The following RAX variants were observed in gnomAD, a reference collection of about 807,000 sequenced individuals.
The protein encoded by RAX is retinal homeobox protein Rx.
In RAX, 11 loss-of-function variants were observed where a neutral mutation model predicts 17.4. The ratio of observed to expected loss-of-function variants is 0.63; its 90% CI spans 0.40 to 1.05. The LOEUF is 1.05. RAX is among the 50% of genes least tolerant of loss of function. The pLI, the probability that RAX is intolerant of heterozygous loss-of-function variation, is 0.00. For synonymous variants in RAX, 276 were observed against 254.7 expected (o/e 1.08, Z -0.80); for missense variants, 527 against 501.1 (o/e 1.05, Z -0.49).
rs1251733886 is a variant in RAX, at chr18:59,273,191, A to G, written c.16T>C (p.Cys6Arg). 9.8e-6 allele frequency: 15 copies of G among 1,530,642 alleles called. No individual in the cohort carries two copies. The highest frequency in any genetic ancestry group is 1.3e-5 in the Non-Finnish European group (15 of 1,144,452). 94.8% of individuals were successfully genotyped at this position (1,530,642 alleles called of 1,614,324 possible). ...CTCCCGTCGGCCATGGCTGGCGCGC[A>G]GCCCGGCAGGTGCATGGGGAGCGCC... Reference protein sequence around the residue: MHLPGCAPAMADGSFS... With the variant: MHLPGRAPAMADGSFS... The change falls in exon 1 of 3, where the codon TGC becomes CGC. Residue 6 changes from cysteine (C) to arginine (R), a missense_variant. Transcript: ENST00000334889.
intron 1 of RAX, 50 bp from the exon 2 acceptor site, chr18:59,272,664 T>C: frequency 6.4e-7 from 1 of 1,552,152 alleles, no homozygotes; most frequent in Non-Finnish European, 8.7e-7. Flanking sequence ...AAAACACCCT[T>C]GGGCCGACCC....
At chr18:59,271,925 C>T (rs1161422782) in intron 2 of RAX, among the ~76,000 whole-genome samples, 1 of 152,204 alleles carries the variant, frequency 6.6e-6, no homozygotes, top group African/African-American at 2.4e-5. Flanking sequence ...GTGCCAGGCC[C>T]TTCGCAAGGA....
chr18:59,272,410 C>A lies in RAX; in HGVS notation c.494G>T (p.Ser165Ile), dbSNP rs372582106. The A allele has an allele frequency of 3.7e-6, 6 of 1,614,262 alleles. No individual in the cohort carries two copies. The highest frequency in any genetic ancestry group is 5.1e-6 in the Non-Finnish European group (6 of 1,180,052). The part of the protein sequence containing the change: ...FEKSHYPDVY[S>I]REELAGKVNL... ...GACCTTGCCGGCCAGCTCCTCGCGG[C>A]TGTACACGTCCGGGTAGTGGGACTT... The change falls in exon 2 of 3, where the codon AGC becomes ATC. Residue 165 changes from serine to isoleucine, a missense_variant. Ser to Ile is a moderately radical substitution (Grantham distance 142). Coordinates refer to ENST00000334889, the MANE Select transcript of RAX (RefSeq NM_013435.3).
At position 59,269,130 on chromosome 18, in the gene RAX, G is replaced by T; in HGVS notation, c.915C>A (p.Cys305Ter). The T allele has an allele frequency of 6.2e-7, 1 of 1,605,076 alleles. No homozygotes were observed. Among genetic ancestry groups the T allele is most frequent in the Non-Finnish European group, 8.5e-7 (1 of 1,176,118 alleles). ...PLAPPPPSYPCGPGFGDKFPL... is the reference protein window; with the variant it reads ...PLAPPPPSYP ...GGAACTTGTCCCCGAAGCCGGGCCC[G>T]CACGGGTAGGAGGGCGGCGGCGGCG... The change falls in exon 3 of 3, where the codon TGC (cysteine) becomes TGA (stop). Residue 305 changes from cysteine to a stop codon, truncating the protein, a stop_gained. Transcript: ENST00000334889. LOFTEE classifies it high-confidence loss of function.
intron 2 of RAX, among the ~76,000 whole-genome samples, chr18:59,271,186 T>A (rs1172818221): frequency 6.6e-6 from 1 of 152,198 alleles, no homozygotes; most frequent in Non-Finnish European, 1.5e-5. Flanking sequence ...AAGCCAAAAC[T>A]CCTGAACAAG....
Position 59,269,364 on chromosome 18 carries a change from G to GCCCGCC in RAX, c.675_680dup (p.Ala226_Gly227dup). 6.8e-7 allele frequency: 1 copy of GCCCGCC among 1,472,884 alleles called. No individual in the cohort carries two copies. Among genetic ancestry groups the GCCCGCC allele is most frequent in the Non-Finnish European group, 9.0e-7 (1 of 1,115,534 alleles). The allele number at this position is 1,472,884 out of a possible 1,614,324, so 91.2% of individuals were successfully genotyped here. On this transcript the variant is annotated inframe_insertion, in exon 3 of 3. Coordinates refer to ENST00000334889, the MANE Select transcript of RAX (RefSeq NM_013435.3). ...CAGCCGGCCCGCCACCGCTGCCCGG[G>GCCCGCC]CCCGCCCCGAGGGGCGACAGCGTCG...
chr18:59,268,615 C>A lies in RAX; in HGVS notation c.*389G>T. The A allele has an allele frequency of 3.1e-6, 1 of 323,394 alleles. No homozygotes were observed. The highest frequency in any genetic ancestry group is 6.1e-5 in the South Asian group (1 of 16,512). The allele number at this position is 323,394 out of a possible 1,614,324, so 20.0% of individuals were successfully genotyped here. The stretch of plus-strand genomic sequence containing the variant: ...AAACTCTATTTTTCCGCCTCCCCTG[C>A]TTCCCTGTTATGGTTATCTGGGGGT... On this transcript the variant is annotated 3_prime_UTR_variant, in exon 3 of 3. Coordinates refer to ENST00000334889, the MANE Select transcript of RAX (RefSeq NM_013435.3). This position sits in a 1 kb window ranked among gnomAD's most constrained non-coding sequence, Gnocchi z 4.4.
chr18:59,270,539 C>T (rs2070329762), intron 2 of RAX, among the ~76,000 whole-genome samples: 1 of 152,184 alleles, frequency 6.6e-6, no homozygotes, highest in East Asian at 1.9e-4. Flanking sequence ...GACAGAGAAT[C>T]CGTTTAGTAG....
rs1160044105 is a variant in RAX, at chr18:59,272,633, G to A, written c.290-19C>T. On this transcript the variant is annotated intron_variant, in intron 1 of 2. Transcript: ENST00000334889. ...CGAGGGGCTGGGGCGACGAGGCCCG[G>A]GAGGGTCAGATGCACTCCCCAAAAC... 6.2e-7 allele frequency: 1 copy of A among 1,603,574 alleles called. No individual in the cohort carries two copies. Among genetic ancestry groups the A allele is most frequent in the Non-Finnish European group, 8.5e-7 (1 of 1,178,376 alleles).
chr18:59,272,873 C>A (rs762226084), intron 1 of RAX, 45 bp downstream of exon 1: 3 of 1,491,412 alleles, frequency 2.0e-6, no homozygotes, highest in Non-Finnish European at 2.6e-6. Flanking sequence ...AACTCCTAAG[C>A]TCGGGCGCCC....
rs770416747 is a variant in RAX at position 59,272,356 on chromosome 18, T to C, written c.543+5A>G. The C allele has an allele frequency of 1.2e-6, 2 of 1,614,198 alleles. No individual in the cohort carries two copies. The highest frequency in any genetic ancestry group is 1.1e-5 in the South Asian group (1 of 91,082). On this transcript the variant is annotated splice_donor_5th_base_variant and intron_variant, in intron 2 of 2. Coordinates refer to ENST00000334889, the MANE Select transcript of RAX (RefSeq NM_013435.3). ...GATCCCAGTTCCTCAACCTGGGCGC[T>C]TTACCTGGACCCGGACCTCTGGTAG... is the stretch of plus-strand genomic sequence containing the variant.
intron 2 of RAX, among the ~76,000 whole-genome samples, 177 bp downstream of exon 2, chr18:59,272,184 G>A (rs1390737320): frequency 6.6e-6 from 1 of 152,238 alleles, no homozygotes; most frequent in East Asian, 1.9e-4. Context: ...CAGACTGCTT[G>A]AAGGGCGATG....
At position 59,268,743 on chromosome 18, in the gene RAX, G is replaced by GGT. The variant is rs1297127120; in HGVS notation, c.*260_*261insAC. On this transcript the variant is annotated 3_prime_UTR_variant, in exon 3 of 3. Coordinates refer to ENST00000334889, the MANE Select transcript of RAX (RefSeq NM_013435.3). The surrounding 1 kb of genome is among the most constrained non-coding windows in gnomAD (Gnocchi z 4.4). ...GGGAGCGGCGTGGCCAGCGGGGCCC[G>GGT]GCAGCCTGTTGCCCTCCAGCTGCAG... 1 of 591,774 alleles carries GGT rather than the reference G, an allele frequency of 1.7e-6. No individual in the cohort carries two copies. Among genetic ancestry groups the GGT allele is most frequent in the African/African-American group, 1.9e-5 (1 of 52,424 alleles). 36.7% of individuals were successfully genotyped at this position (591,774 alleles called of 1,614,324 possible).
In RAX at chr18:59,268,930, T is replaced by A; in HGVS notation, c.*74A>T. 10 of 1,608,320 alleles carry A rather than the reference T, an allele frequency of 6.2e-6. No individual in the cohort carries two copies. The highest frequency in any genetic ancestry group is 8.5e-6 in the Non-Finnish European group (10 of 1,177,588). ...AGAGGGGCCGAGCTGGGGAGGGGGGTTGTCCCTGGGAGAGAGGATGCGGGT... is the reference window on the plus strand; with the variant it reads ...AGAGGGGCCGAGCTGGGGAGGGGGGATGTCCCTGGGAGAGAGGATGCGGGT... On this transcript the variant is annotated 3_prime_UTR_variant, in exon 3 of 3. Transcript: ENST00000334889. This position sits in a 1 kb window ranked among gnomAD's most constrained non-coding sequence, Gnocchi z 4.4.
At chr18:59,271,132 G>A (rs73444217) in intron 2 of RAX, among the ~76,000 whole-genome samples, 68 of 152,326 alleles carry the variant, frequency 4.5e-4, no homozygotes, top group African/African-American at 1.6e-3. Flanking sequence ...TGGTCACAAA[G>A]AAGTCACAGA....
intron 1 of RAX, 99 bp downstream of exon 1, chr18:59,272,819 A>C: frequency 6.9e-7 from 1 of 1,446,344 alleles, no homozygotes; most frequent in Non-Finnish European, 9.1e-7. Context: ...CCCCGCGCCC[A>C]GTTGCCTTAA....
Position 59,269,505 on chromosome 18 carries a change from C to A in RAX, c.544-4G>T, listed in dbSNP as rs749712796. 2 of 1,595,900 alleles carry A rather than the reference C, an allele frequency of 1.3e-6. No homozygotes were observed. The highest frequency in any genetic ancestry group is 1.7e-6 in the Non-Finnish European group (2 of 1,178,828). Reference sequence around the variant, plus strand: ...CCCGTCGGTTCTGGAACCACACCTGCAGGAGAGAGCACAGGGGCCGTCGGG... The same window carrying A: ...CCCGTCGGTTCTGGAACCACACCTGAAGGAGAGAGCACAGGGGCCGTCGGG... On this transcript the variant is annotated splice_region_variant and splice_polypyrimidine_tract_variant and intron_variant, in intron 2 of 2. Coordinates refer to ENST00000334889, the MANE Select transcript of RAX (RefSeq NM_013435.3).
In RAX at chr18:59,268,802, G is replaced by T; in HGVS notation, c.*202C>A. On this transcript the variant is annotated 3_prime_UTR_variant, in exon 3 of 3. Transcript: ENST00000334889. This position sits in a 1 kb window ranked among gnomAD's most constrained non-coding sequence, Gnocchi z 4.4. The stretch of plus-strand genomic sequence containing the variant: ...TCCGCGAAGTGCGTTGAGGCGGCCA[G>T]AGGGCCTCTCCTCAGGCCTGAAAGT... The T allele has an allele frequency of 1.2e-6, 1 of 855,554 alleles. No homozygotes were observed. Among genetic ancestry groups the T allele is most frequent in the Non-Finnish European group, 1.8e-6 (1 of 569,536 alleles). The allele number at this position is 855,554 out of a possible 1,614,324, so 53.0% of individuals were successfully genotyped here.
chr18:59,272,491 C>A lies in RAX; in HGVS notation c.413G>T (p.Arg138Leu). The change falls in exon 2 of 3, where the codon CGG (arginine) becomes CTG (leucine). Residue 138 changes from arginine (R) to leucine (L), a missense_variant. Coordinates refer to ENST00000334889, the MANE Select transcript of RAX (RefSeq NM_013435.3). ...GTACGTGGTGAAAGTCGTGCGGTTCCGCCGATGCTTTTTCTTGGGCTGTTC... is the reference window on the plus strand; with the variant it reads ...GTACGTGGTGAAAGTCGTGCGGTTCAGCCGATGCTTTTTCTTGGGCTGTTC... The part of the protein sequence containing the change: ...EEEQPKKKHR[R>L]NRTTFTTYQL... 6.2e-7 allele frequency: 1 copy of A among 1,614,248 alleles called. No individual in the cohort carries two copies. Among genetic ancestry groups the A allele is most frequent in the Non-Finnish European group, 8.5e-7 (1 of 1,180,044 alleles).
Sources: gnomAD v4.1 joint callset for allele counts (sites outside exome capture counted in the v4.1 genomes callset) on GRCh38, gnomAD v4.1.1 for gene constraint, Gnocchi (gnomAD v3.1) non-coding constraint, MANE v1.5 for transcripts, NCBI Gene and HGNC (gene_info 2026-07-23, HGNC 2026-07-21) for gene names.